The following CFAP92 variants were observed in gnomAD, a reference collection of about 807,000 sequenced individuals.
CFAP92 encodes the protein cilia and flagella associated protein 92 (putative).
Under a neutral mutation model 106.3 loss-of-function variants are expected in CFAP92, and 86 were observed. That is an observed-to-expected ratio of 0.81 (90% CI 0.68 to 0.97). The LOEUF (loss-of-function observed/expected upper bound fraction) is 0.97, where lower values mean the gene tolerates loss of function less well. Among genes scored for constraint, CFAP92 ranks in the 50% least tolerant of loss-of-function variants. The probability of loss-of-function intolerance (pLI) is 0.00; values close to 1 mark genes in which losing one functional copy is unlikely to be tolerated. For missense variants in CFAP92, 1,204 were observed against 1,283.8 expected (o/e 0.94, Z 0.95); for synonymous variants, 477 against 506.4 (o/e 0.94, Z 0.78).
chr3:128,957,331 G>A (rs1250967133), intron 9 of CFAP92, among the ~76,000 whole-genome samples: 1 of 151,900 alleles, frequency 6.6e-6, no homozygotes, highest in Non-Finnish European at 1.5e-5. Flanking sequence ...ATCAATCTAT[G>A]TAGAGGAAAT....
chr3:129,025,706 G>T, the CFAP92 span, among the ~76,000 whole-genome samples: 26 of 152,294 alleles, frequency 1.7e-4, no homozygotes, highest in Admixed American at 5.9e-4. Flanking sequence ...AGGGGCAATG[G>T]GAGAAGCAGT....
chr3:128,959,774 G>A (rs1559899173), intron 9 of CFAP92, among the ~76,000 whole-genome samples: 1 of 152,198 alleles, frequency 6.6e-6, no homozygotes, highest in Admixed American at 6.5e-5. Flanking sequence ...CATCTCTTTT[G>A]TATCTCACTG....
At chr3:128,995,430 C>A (rs1332526936), upstream of CFAP92, among the ~76,000 whole-genome samples, 1 of 152,224 alleles carries the variant, frequency 6.6e-6, no homozygotes, top group African/African-American at 2.4e-5. Context: ...ACCCCACCTG[C>A]AGCAGCCTGG....
chr3:128,960,190 A>G (rs558926391), intron 9 of CFAP92, among the ~76,000 whole-genome samples: 1 of 152,308 alleles, frequency 6.6e-6, no homozygotes, highest in African/African-American at 2.4e-5. Flanking sequence ...CAGGTGAAAT[A>G]AACAGCCATG....
At chr3:128,997,178 G>T (rs1332748050), upstream of CFAP92, among the ~76,000 whole-genome samples, 1 of 152,172 alleles carries the variant, frequency 6.6e-6, no homozygotes, top group Non-Finnish European at 1.5e-5. Context: ...ACTCTGCCGG[G>T]TGGAGGGTTC....
the CFAP92 span, among the ~76,000 whole-genome samples, chr3:129,008,583 G>A: frequency 2.0e-5 from 3 of 152,184 alleles, no homozygotes; most frequent in South Asian, 2.1e-4. Context: ...TTCTAAGCAC[G>A]TTCTGTGGAC....
chr3:128,951,405 C>T (rs1323695287), intron 9 of CFAP92, among the ~76,000 whole-genome samples: 3 of 151,962 alleles, frequency 2.0e-5, no homozygotes, highest in Non-Finnish European at 2.9e-5. Flanking sequence ...CCCAGCTTCA[C>T]GGGTAAAAAT....
chr3:128,910,386 C>T, intron 15 of CFAP92, 53 bp from the exon 16 acceptor site: 2 of 1,443,734 alleles, frequency 1.4e-6, no homozygotes, highest in Non-Finnish European at 9.1e-7. Context: ...TGCCCCTACC[C>T]CCAGCAAGGG....
the CFAP92 span, among the ~76,000 whole-genome samples, chr3:129,020,375 A>G: frequency 7.2e-3 from 1,103 of 152,176 alleles, 16 homozygotes; most frequent in African/African-American, 0.025. Flanking sequence ...GATGGCCCAC[A>G]CCTGTAATCC....
At chr3:128,980,506 T>C (rs748070734) in intron 4 of CFAP92, among the ~76,000 whole-genome samples, 1 of 152,062 alleles carries the variant, frequency 6.6e-6, no homozygotes, top group African/African-American at 2.4e-5. Flanking sequence ...CACCTCACCA[T>C]GAATTTGCCT....
chr3:128,994,980 G>A (rs1441149017), upstream of CFAP92, among the ~76,000 whole-genome samples: 1 of 152,192 alleles, frequency 6.6e-6, no homozygotes, highest in Non-Finnish European at 1.5e-5. Flanking sequence ...CAGTGTGCAG[G>A]GCCCATGGTA....
At chr3:128,910,879 GTT>G in intron 15 of CFAP92, 1 of 1,565,852 alleles carries the variant, frequency 6.4e-7, no homozygotes, top group Non-Finnish European at 8.8e-7. Flanking sequence ...ATGGTGAGCT[GTT>G]TCTGGACCCT....
At chr3:128,930,137 T>C (rs1484405290) in intron 12 of CFAP92, among the ~76,000 whole-genome samples, 1 of 152,114 alleles carries the variant, frequency 6.6e-6, no homozygotes, top group Non-Finnish European at 1.5e-5. Context: ...ACTACTATAT[T>C]ATAAAATTCT....
At chr3:128,993,734 A>G in intron 1 of CFAP92, 1 of 293,632 alleles carries the variant, frequency 3.4e-6, no homozygotes. Flanking sequence ...GGGGAGAGGC[A>G]AACCAGGCCG....
intron 10 of CFAP92, among the ~76,000 whole-genome samples, chr3:128,944,392 C>T (rs1283695098): frequency 2.0e-5 from 3 of 152,180 alleles, no homozygotes; most frequent in Non-Finnish European, 2.9e-5. Flanking sequence ...GCAGGTCTCC[C>T]AGAGGTGCAA....
the CFAP92 span, among the ~76,000 whole-genome samples, chr3:129,024,641 G>A: frequency 3.9e-5 from 6 of 152,154 alleles, no homozygotes; most frequent in Non-Finnish European, 7.4e-5. Context: ...TTGGTGCACC[G>A]TTCCAGGGAA....
chr3:128,932,746 C>G lies in CFAP92; in HGVS notation c.2705G>C (p.Ser902Thr). 1 of 1,535,598 alleles carries G rather than the reference C, an allele frequency of 6.5e-7. No homozygotes were observed. Among genetic ancestry groups the G allele is most frequent in the Non-Finnish European group, 8.7e-7 (1 of 1,146,826 alleles). ...GTCTTTGTTCTTCATAAGCATGGCACTCCGCCACTGCAGGTACTTCTCCTG... is the reference window on the plus strand; with the variant it reads ...GTCTTTGTTCTTCATAAGCATGGCAGTCCGCCACTGCAGGTACTTCTCCTG... ...AHQEKYLQWR[S>T]AMLMKNKDKK... Residue 902 changes from serine (S) to threonine (T), a missense_variant, in exon 12 of 16, where the codon AGT (serine) becomes ACT (threonine). Ser to Thr is a moderately conservative substitution (Grantham distance 58). Coordinates refer to ENST00000645291, the MANE Select transcript of CFAP92 (RefSeq NM_001394090.1).
intron 15 of CFAP92, 136 bp from the exon 16 acceptor site, chr3:128,910,469 A>G (rs910506052): frequency 7.9e-6 from 7 of 885,772 alleles, no homozygotes; most frequent in Middle Eastern, 3.4e-4. Context: ...GTATACCAGG[A>G]TCTCTGCCTG....
intron 1 of CFAP92, chr3:129,001,982 C>T (rs1576685057): frequency 6.5e-7 from 1 of 1,545,436 alleles, no homozygotes; most frequent in Non-Finnish European, 8.7e-7. Context: ...CTGAGTTGGC[C>T]ACGGACGGGG....
Sources: gnomAD v4.1 joint callset for allele counts (sites outside exome capture counted in the v4.1 genomes callset) on GRCh38, gnomAD v4.1.1 for gene constraint, MANE v1.5 for transcripts, NCBI Gene and HGNC (gene_info 2026-07-23, HGNC 2026-07-21) for gene names.